CASR: variants seen among roughly 807,000 people sequenced by gnomAD.
CASR encodes the protein extracellular calcium-sensing receptor.
A neutral mutation model predicts 69.1 loss-of-function variants in CASR; 23 were observed. The observed-to-expected ratio is 0.33, with a 90% CI of 0.24 to 0.47. The LOEUF is 0.47. Ranked by LOEUF, CASR falls within the 20% of genes least tolerant of loss-of-function variation. The probability of loss-of-function intolerance (pLI) is 1.00; values close to 1 mark genes in which losing one functional copy is unlikely to be tolerated. For missense variants in CASR, 924 were observed against 1,356.1 expected (o/e 0.68, Z 5.00); for synonymous variants, 541 against 544.7 (o/e 0.99, Z 0.10).
intron 4 of CASR, among the ~76,000 whole-genome samples, chr3:122,274,786 G>A (rs1031182527): frequency 6.6e-6 from 1 of 152,142 alleles, no homozygotes; most frequent in African/African-American, 2.4e-5. Context: ...TGGAGATTCA[G>A]GAGGTGCAGT....
Position 122,219,188 on chromosome 3 carries a change from A to G in CASR, c.-242-34760A>G, listed in dbSNP as rs922502779. ...TTACTCTGTTGTGTGAAAAATGGGG[A>G]AAAATTAATTATTTCACACCAAGAG... On this transcript the variant is annotated intron_variant, in intron 1 of 6. Transcript: ENST00000639785. Among the ~76,000 whole-genome samples the G allele has an allele frequency of 2.0e-5, 3 of 152,164 alleles. No individual in the cohort carries two copies. The East Asian group carries it at 5.8e-4, about 29-fold the overall frequency.
At chr3:122,245,879 T>A (rs528234956) in intron 1 of CASR, among the ~76,000 whole-genome samples, 1 of 152,310 alleles carries the variant, frequency 6.6e-6, no homozygotes, top group Non-Finnish European at 1.5e-5. Flanking sequence ...TTCTGTGCTG[T>A]AATTGAAAGT....
intron 1 of CASR, among the ~76,000 whole-genome samples, chr3:122,213,575 C>G (rs62269066): frequency 1.3e-5 from 2 of 152,090 alleles, no homozygotes; most frequent in Admixed American, 1.3e-4. Context: ...GCACCATACC[C>G]CATATGAATT....
chr3:122,220,953 G>A (rs190375025), intron 1 of CASR, among the ~76,000 whole-genome samples: 7 of 152,216 alleles, frequency 4.6e-5, no homozygotes, highest in African/African-American at 1.4e-4. Context: ...CAGCCTGGGC[G>A]ACAGAGAAAA....
At chr3:122,253,788 T>C (rs34178491) in intron 1 of CASR, among the ~76,000 whole-genome samples, 160 bp from the exon 2 acceptor site, 25,342 of 152,192 alleles carry the variant, frequency 0.17, 2,195 homozygotes, top group South Asian at 0.19. Context: ...TCCTGTATTT[T>C]ACATGAAGTG....
chr3:122,229,876 A>G (rs556173229), intron 1 of CASR, among the ~76,000 whole-genome samples: 2 of 152,300 alleles, frequency 1.3e-5, no homozygotes, highest in South Asian at 2.1e-4. Flanking sequence ...AAATAAATAA[A>G]TAAAAAAGGA....
At chr3:122,214,102 C>T (rs1348603033) in intron 1 of CASR, among the ~76,000 whole-genome samples, 1 of 152,314 alleles carries the variant, frequency 6.6e-6, no homozygotes, top group Middle Eastern at 3.4e-3. Flanking sequence ...CTTTGTCCTG[C>T]TAATCTCTGT....
At chr3:122,215,678 A>G (rs555403445) in intron 1 of CASR, among the ~76,000 whole-genome samples, 26 of 152,268 alleles carry the variant, frequency 1.7e-4, no homozygotes, top group African/African-American at 6.0e-4. Flanking sequence ...TGGAAAAAGG[A>G]TTTGATTTTT....
intron 1 of CASR, among the ~76,000 whole-genome samples, chr3:122,225,338 A>G (rs1042592044): frequency 6.6e-6 from 1 of 152,034 alleles, no homozygotes. Flanking sequence ...AAGGTCTAAT[A>G]TCCAGAATTT....
intron 1 of CASR, among the ~76,000 whole-genome samples, chr3:122,196,637 C>T (rs1244707418): frequency 1.3e-5 from 2 of 152,058 alleles, no homozygotes; most frequent in East Asian, 3.9e-4. Context: ...TCCCCAGGCT[C>T]AAGTGATCCT....
rs1553769074 is a variant in CASR at position 122,284,234 on chromosome 3, C to A, written c.2280C>A (p.Ile760=). 1.2e-6 allele frequency: 2 copies of A among 1,614,112 alleles called. No individual in the cohort carries two copies. The highest frequency in any genetic ancestry group is 8.5e-7 in the Non-Finnish European group (1 of 1,180,034). The change falls in exon 7 of 7, where the codon ATC becomes ATA. Residue 760 remains isoleucine, a synonymous_variant. Coordinates refer to ENST00000639785, the MANE Select transcript of CASR (RefSeq NM_000388.4). ...SYRNQELEDE[I]IFITCHEGSL... The stretch of plus-strand genomic sequence containing the variant: ...GCAACCAGGAGCTGGAGGATGAGAT[C>A]ATCTTCATCACGTGCCACGAGGGCT...
At chr3:122,202,824 T>G (rs2107589134) in intron 1 of CASR, among the ~76,000 whole-genome samples, 1 of 152,370 alleles carries the variant, frequency 6.6e-6, no homozygotes, top group South Asian at 2.1e-4. Context: ...CATTTGCAAT[T>G]GATTTTTGTG....
chr3:122,246,257 C>T (rs1223400033), intron 1 of CASR, among the ~76,000 whole-genome samples: 2 of 152,156 alleles, frequency 1.3e-5, no homozygotes, highest in Non-Finnish European at 2.9e-5. Flanking sequence ...CAACTGGGGA[C>T]AGTTCTTATT....
Position 122,257,034 on chromosome 3 carries a change from G to A in CASR, c.186-47G>A, listed in dbSNP as rs1222473222. On this transcript the variant is annotated intron_variant, in intron 2 of 6. Transcript: ENST00000639785. The stretch of plus-strand genomic sequence containing the variant: ...TTTGCCAGGTCTTTACTCTAAAGTC[G>A]TTGACTAGAAAGCTTCCCATTTTCT... 7 of 1,553,038 alleles carry A rather than the reference G, an allele frequency of 4.5e-6. No homozygotes were observed. In the South Asian group the frequency reaches 5.6e-5, roughly 12 times the overall value.
At position 122,284,944 on chromosome 3, in the gene CASR, C is replaced by G. The variant is rs1244383237; in HGVS notation, c.2990C>G (p.Ser997Cys). 1.2e-6 allele frequency: 2 copies of G among 1,614,210 alleles called. No individual in the cohort carries two copies. The highest frequency in any genetic ancestry group is 2.2e-5 in the South Asian group (2 of 91,082). The change falls in exon 7 of 7, where the codon TCC (serine) becomes TGC (cysteine). Residue 997 changes from serine to cysteine, a missense_variant. Ser to Cys is a moderately radical substitution (Grantham distance 112, BLOSUM62 -1). Coordinates refer to ENST00000639785, the MANE Select transcript of CASR (RefSeq NM_000388.4). ...MAHRNSTHQN[S>C]LEAQKSSDTL... ...CACAGGAATTCTACGCACCAGAACTCCCTGGAGGCCCAGAAAAGCAGCGAT... is the reference window on the plus strand; with the variant it reads ...CACAGGAATTCTACGCACCAGAACTGCCTGGAGGCCCAGAAAAGCAGCGAT...
chr3:122,218,057 A>C (rs1375211294), intron 1 of CASR, among the ~76,000 whole-genome samples: 1 of 152,012 alleles, frequency 6.6e-6, no homozygotes, highest in East Asian at 1.9e-4. Flanking sequence ...AGTCCATTGA[A>C]GTGATTCAAA....
chr3:122,205,963 T>C, intron 1 of CASR, among the ~76,000 whole-genome samples: 1 of 152,048 alleles, frequency 6.6e-6, no homozygotes, highest in East Asian at 1.9e-4. Flanking sequence ...TTCTAATAGT[T>C]TTTTGGTGGA....
At chr3:122,257,561 C>T in intron 3 of CASR, 174 bp downstream of exon 3, 2 of 584,884 alleles carry the variant, frequency 3.4e-6, no homozygotes, top group Non-Finnish European at 6.1e-6. Flanking sequence ...ACTCCAGTGT[C>T]CACAATATCA....
intron 1 of CASR, among the ~76,000 whole-genome samples, chr3:122,195,645 C>G (rs554223504): frequency 6.6e-6 from 1 of 152,278 alleles, no homozygotes; most frequent in East Asian, 1.9e-4. Context: ...TTAATCCTAT[C>G]AAAAATTTTA....
Sources: allele counts gnomAD v4.1 joint callset (sites outside exome capture counted in the v4.1 genomes callset), GRCh38; gene constraint gnomAD v4.1.1; transcripts MANE v1.5; gene names NCBI Gene and HGNC (gene_info 2026-07-23, HGNC 2026-07-21).